The following DNAH5 variants were observed in gnomAD, a reference collection of about 807,000 sequenced individuals.
DNAH5 encodes axonemal beta dynein heavy chain 5.
A neutral mutation model predicts 518.2 loss-of-function variants in DNAH5; 372 were observed. The ratio of observed to expected loss-of-function variants is 0.72; its 90% CI spans 0.66 to 0.78. The LOEUF (loss-of-function observed/expected upper bound fraction) is 0.78. Ranked by LOEUF, DNAH5 falls within the 30% of genes least tolerant of loss-of-function variation. The pLI is 0.00. For missense variants in DNAH5, 5,523 were observed against 5,687.0 expected, an observed-to-expected ratio of 0.97 and a Z score of 0.93; for synonymous variants, 2,039 against 2,025.9, an observed-to-expected ratio of 1.01 and a Z score of -0.17.
chr5:13,900,723 A>G (rs1330460398), intron 14 of DNAH5: 1 of 406,074 alleles, frequency 2.5e-6, no homozygotes, highest in Non-Finnish European at 4.5e-6. Context: ...CTTCATGCCT[A>G]CTCTATTATT....
At position 13,735,300 on chromosome 5, in the gene DNAH5, T is replaced by G; in HGVS notation, c.11592A>C (p.Thr3864=). 1 of 1,614,062 alleles carries G rather than the reference T, an allele frequency of 6.2e-7. No homozygotes were observed. The highest frequency in any genetic ancestry group is 8.5e-7 in the Non-Finnish European group (1 of 1,179,994). Residue 3864 remains threonine, a synonymous_variant, in exon 68 of 79, where the codon ACA becomes ACC. Coordinates refer to ENST00000265104, the MANE Select transcript of DNAH5 (RefSeq NM_001369.3). The stretch of plus-strand genomic sequence containing the variant: ...CGATGATATTAGCAATCCTCTTGCT[T>G]GTAATCGGGCTCTTGACAGACCTGG... ...SLARSVKSPI[T]SKRIANIIEH...
At chr5:13,796,569 G>A (rs1380846875) in intron 47 of DNAH5, among the ~76,000 whole-genome samples, 3 of 152,112 alleles carry the variant, frequency 2.0e-5, no homozygotes, top group Admixed American at 2.0e-4. Flanking sequence ...AAAAATGGAA[G>A]AATATTCCAT....
chr5:13,739,368 C>G (rs528191423), intron 65 of DNAH5, among the ~76,000 whole-genome samples: 1 of 152,126 alleles, frequency 6.6e-6, no homozygotes, highest in Non-Finnish European at 1.5e-5. Context: ...TGGCACTTCC[C>G]CTGCTTGTAC....
chr5:13,787,145 C>A (rs545444753), intron 51 of DNAH5, among the ~76,000 whole-genome samples: 1 of 150,452 alleles, frequency 6.6e-6, no homozygotes, highest in Non-Finnish European at 1.5e-5. Flanking sequence ...GTCAGGAGGC[C>A]GAGGTTGCCA....
rs10474996 is a variant in DNAH5, at chr5:13,829,939, G to A, written c.6249+87C>T. On this transcript the variant is annotated intron_variant, in intron 37 of 78. Transcript: ENST00000265104. ...AAGTTACAATCCCAATTTCCATTCAGGAAAACAGATGACATATGACCAGGG... is the reference window on the plus strand; with the variant it reads ...AAGTTACAATCCCAATTTCCATTCAAGAAAACAGATGACATATGACCAGGG... 0.38 allele frequency: 535,129 copies of A among 1,402,964 alleles called. 103,580 individuals are homozygous for A. The highest frequency in any genetic ancestry group is 0.57 in the East Asian group (24,759 of 43,608). The allele number at this position is 1,402,964 out of a possible 1,614,324, so 86.9% of individuals were successfully genotyped here. A position where few individuals can be genotyped will look rare whatever the true frequency, so the allele number is the denominator to read the frequency against.
chr5:13,894,745 G>A lies in DNAH5; in HGVS notation c.2336C>T (p.Ala779Val), dbSNP rs1329085524. The A allele has an allele frequency of 6.2e-7, 1 of 1,614,086 alleles. No homozygotes were observed. The highest frequency in any genetic ancestry group is 1.1e-5 in the South Asian group (1 of 91,086). The change falls in exon 16 of 79, where the codon GCC (alanine) becomes GTC (valine). Residue 779 changes from alanine to valine, a missense_variant. By Grantham distance (64) the Ala-to-Val change is moderately conservative. Transcript: ENST00000265104. ...AGGTTGGAGAGCTTCATCCACTTTG[G>A]CCAAGTGAGGGACAATCAATTGCTC... ...AIEQLIVPHL[A>V]KVDEALQPGL... is the part of the protein sequence containing the mutation.
chr5:13,694,623 T>C (rs573081080), intron 78 of DNAH5, among the ~76,000 whole-genome samples: 26 of 152,356 alleles, frequency 1.7e-4, no homozygotes, highest in Non-Finnish European at 3.1e-4. Context: ...TTTCTGACTA[T>C]TTAACTTCCC....
At chr5:14,004,140 T>C (rs1013015746) in intron 1 of DNAH5, among the ~76,000 whole-genome samples, 2 of 152,262 alleles carry the variant, frequency 1.3e-5, no homozygotes, top group African/African-American at 4.8e-5. Flanking sequence ...GCTTCGAATA[T>C]TGCTGCTTCG....
At position 13,844,709 on chromosome 5, in the gene DNAH5, G is replaced by C. The variant is rs1408771425; in HGVS notation, c.5271+128C>G. The C allele has an allele frequency of 6.7e-6, 8 of 1,200,764 alleles. No homozygotes were observed. In the Admixed American group the frequency reaches 6.8e-5, roughly 10 times the overall value. The allele number at this position is 1,200,764 out of a possible 1,614,324, so 74.4% of individuals were successfully genotyped here. ...AATTGGGCCCCGAGATTTGTTTTTAGTCACTGGCCAAGAGCTAATGAACAG... is the reference window on the plus strand; with the variant it reads ...AATTGGGCCCCGAGATTTGTTTTTACTCACTGGCCAAGAGCTAATGAACAG... On this transcript the variant is annotated intron_variant, in intron 32 of 78. Coordinates refer to ENST00000265104, the MANE Select transcript of DNAH5 (RefSeq NM_001369.3).
At chr5:13,748,841 T>A (rs866414388) in intron 65 of DNAH5, among the ~76,000 whole-genome samples, 2 of 152,104 alleles carry the variant, frequency 1.3e-5, no homozygotes, top group African/African-American at 2.4e-5. Flanking sequence ...ACAATTTGAC[T>A]TCCTCTTTTC....
At chr5:13,842,487 A>C (rs55694750) in intron 32 of DNAH5, among the ~76,000 whole-genome samples, 1 of 115,284 alleles carries the variant, frequency 8.7e-6, no homozygotes, top group Non-Finnish European at 1.8e-5. Context: ...AAGAAAGAGA[A>C]AGAAAAGAAA....
intron 1 of DNAH5, among the ~76,000 whole-genome samples, chr5:13,953,426 A>C (rs918506849): frequency 6.6e-6 from 1 of 152,212 alleles, no homozygotes; most frequent in Admixed American, 6.5e-5. Flanking sequence ...TGGGCCTTAT[A>C]TTCAAATGTA....
At position 13,792,208 on chromosome 5, in the gene DNAH5, C is replaced by A; in HGVS notation, c.8234G>T (p.Gly2745Val). 1.9e-6 allele frequency: 3 copies of A among 1,613,436 alleles called. No individual in the cohort carries two copies. Among genetic ancestry groups the A allele is most frequent in the Non-Finnish European group, 2.5e-6 (3 of 1,179,542 alleles). ...ASVDKIFGVIGVGHYCTQRGF... is the reference protein window; with the variant it reads ...ASVDKIFGVIVVGHYCTQRGF... ...CCTCTGAGTACAGTAGTGGCCTACC[C>A]CAATCACACCTGAAAAGGGGGAAAT... Residue 2745 changes from glycine to valine, a missense_variant, in exon 50 of 79, where the codon GGG (glycine) becomes GTG (valine). Gly to Val is a moderately radical substitution (Grantham distance 109). Transcript: ENST00000265104.
chr5:13,724,079 T>A (rs1390919770), intron 70 of DNAH5, among the ~76,000 whole-genome samples: 1 of 152,240 alleles, frequency 6.6e-6, no homozygotes, highest in African/African-American at 2.4e-5. Context: ...CAGATATGCA[T>A]GCATTAGAAA....
chr5:13,951,959 ATGT>A (rs1411265118), intron 1 of DNAH5, among the ~76,000 whole-genome samples: 1 of 152,238 alleles, frequency 6.6e-6, no homozygotes, highest in African/African-American at 2.4e-5. Flanking sequence ...CTTCAAAATC[ATGT>A]TGTCTTCCTA....
At chr5:14,003,609 G>A (rs1355523221) in intron 1 of DNAH5, among the ~76,000 whole-genome samples, 5 of 152,214 alleles carry the variant, frequency 3.3e-5, no homozygotes, top group Non-Finnish European at 5.9e-5. Context: ...CCTTCAGTGT[G>A]AGCTTGACAT....
At chr5:13,898,803 T>G (rs1437957604) in intron 15 of DNAH5, 5 of 393,666 alleles carry the variant, frequency 1.3e-5, no homozygotes, top group Non-Finnish European at 2.2e-5. Context: ...ATGGTTTCCA[T>G]GTTGTCAGAT....
chr5:13,868,180 A>T (rs1445889266), intron 24 of DNAH5, among the ~76,000 whole-genome samples, 188 bp from the exon 25 acceptor site: 1 of 152,150 alleles, frequency 6.6e-6, no homozygotes, highest in Non-Finnish European at 1.5e-5. Context: ...TAGTTTCCTC[A>T]TCTATAAAAT....
intron 35 of DNAH5, among the ~76,000 whole-genome samples, chr5:13,836,899 C>T (rs571686861): frequency 3.3e-5 from 5 of 152,268 alleles, no homozygotes; most frequent in South Asian, 2.1e-4. Flanking sequence ...ATTCAAAGCA[C>T]GAAAGGCACC....
Sources: gnomAD v4.1 joint callset for allele counts (sites outside exome capture counted in the v4.1 genomes callset) on GRCh38, gnomAD v4.1.1 for gene constraint, MANE v1.5 for transcripts, NCBI Gene and HGNC (gene_info 2026-07-23, HGNC 2026-07-21) for gene names.